The following FAH variants were observed in gnomAD, a reference collection of about 807,000 sequenced individuals.
FAH encodes fumarylacetoacetate hydrolase.
Under a neutral mutation model 55.8 loss-of-function variants are expected in FAH, and 47 were observed. The ratio of observed to expected loss-of-function variants is 0.84; its 90% CI spans 0.67 to 1.07. The LOEUF (loss-of-function observed/expected upper bound fraction) is 1.07, where lower values mean the gene tolerates loss of function less well. FAH is among the 50% of genes least tolerant of loss of function. The pLI is 0.00. For synonymous variants in FAH, 199 were observed against 207.7 expected (o/e 0.96, Z 0.36); for missense variants, 495 against 545.9 (o/e 0.91, Z 0.93).
In FAH at chr15:80,186,138, CA is replaced by C. The variant is rs786204551; in HGVS notation, c.1190del (p.Gln397ArgfsTer65). On this transcript the variant is annotated frameshift_variant, in exon 14 of 14. Coordinates refer to ENST00000561421, the MANE Select transcript of FAH (RefSeq NM_000137.4). LOFTEE classifies it high-confidence loss of function. ...GTCCTCCTCTGTTCCAGGGTACTGC[CA>C]GGGGGATGGTTACCGCATCGGCTTT... ...GDEVIITGYC[Q>X]GDGYRIGFGQ... 2 of 1,613,988 alleles carry C rather than the reference CA, an allele frequency of 1.2e-6. No individual in the cohort carries two copies. The highest frequency in any genetic ancestry group is 1.3e-5 in the African/African-American group (1 of 74,926).
chr15:80,171,640 T>A (rs2142100539), intron 7 of FAH, among the ~76,000 whole-genome samples: 1 of 152,160 alleles, frequency 6.6e-6, no homozygotes, highest in Admixed American at 6.5e-5. Context: ...TTGTTTATTT[T>A]TTGTAGAGGT....
chr15:80,164,486 G>T (rs1044230162), intron 5 of FAH, among the ~76,000 whole-genome samples: 9 of 151,888 alleles, frequency 5.9e-5, no homozygotes, highest in African/African-American at 1.9e-4. Flanking sequence ...CAGGCTCCAG[G>T]GATTAGGATC....
rs757121915 is a variant in FAH, at chr15:80,173,175, A to G, written c.837+31A>G. ...CACATTCTCTGCAGGAAGCTCCCAAACCCAGCCCTGCTGCCTCTGAGGCTG... is the reference window on the plus strand; with the variant it reads ...CACATTCTCTGCAGGAAGCTCCCAAGCCCAGCCCTGCTGCCTCTGAGGCTG... On this transcript the variant is annotated intron_variant, in intron 9 of 13. Transcript: ENST00000561421. 52 of 1,614,096 alleles carry G rather than the reference A, an allele frequency of 3.2e-5. 1 individual carries two copies. The highest frequency in any genetic ancestry group is 3.3e-4 in the Middle Eastern group (2 of 6,058).
intron 8 of FAH, 39 bp downstream of exon 8, chr15:80,172,287 A>T: frequency 1.3e-6 from 2 of 1,502,828 alleles, no homozygotes; most frequent in Non-Finnish European, 1.9e-6. Context: ...GATGACGGGG[A>T]GGAGGCTGGG....
intron 11 of FAH, among the ~76,000 whole-genome samples, chr15:80,179,077 G>A (rs1181587219): frequency 6.6e-6 from 1 of 152,152 alleles, no homozygotes; most frequent in Non-Finnish European, 1.5e-5. Flanking sequence ...CATAGACTCA[G>A]CCTAGGGGTA....
intron 5 of FAH, 100 bp downstream of exon 5, chr15:80,162,436 C>T: frequency 9.6e-7 from 1 of 1,045,186 alleles, no homozygotes. Flanking sequence ...TTAAAGTAAA[C>T]TGGGGAGGAA....
chr15:80,181,277 C>T, intron 13 of FAH, 118 bp downstream of exon 13: 1 of 707,320 alleles, frequency 1.4e-6, no homozygotes, highest in Non-Finnish European at 2.6e-6. Flanking sequence ...CTGACTCTGC[C>T]TCCCAGAGTC....
chr15:80,158,112 T>A lies in FAH; in HGVS notation c.134T>A (p.Ile45Asn). ...GGCGACCAGATCCTGGACCTCAGCA[T>A]CATCAAGCACCTCTTTACTGGTCCT... ...AIGDQILDLSIIKHLFTGPVL... is the reference protein window; with the variant it reads ...AIGDQILDLSNIKHLFTGPVL... The change falls in exon 2 of 14, where the codon ATC becomes AAC. Residue 45 changes from isoleucine (I) to asparagine (N), a missense_variant. Transcript: ENST00000561421. The A allele has an allele frequency of 6.2e-7, 1 of 1,614,184 alleles. No homozygotes were observed. Among genetic ancestry groups the A allele is most frequent in the South Asian group, 1.1e-5 (1 of 91,084 alleles).
At chr15:80,172,300 C>A (rs963274466) in intron 8 of FAH, 52 bp downstream of exon 8, 3 of 1,375,630 alleles carry the variant, frequency 2.2e-6, no homozygotes, top group Non-Finnish European at 3.1e-6. Flanking sequence ...AGGCTGGGGA[C>A]TTGGGGCAAT....
chr15:80,154,536 T>C (rs2041081929), intron 1 of FAH, among the ~76,000 whole-genome samples: 1 of 152,212 alleles, frequency 6.6e-6, no homozygotes. Context: ...CCCTTTGGCC[T>C]TCCAGCTGAA....
chr15:80,155,708 C>T (rs1158641084), intron 1 of FAH, among the ~76,000 whole-genome samples: 2 of 151,826 alleles, frequency 1.3e-5, no homozygotes, highest in Non-Finnish European at 2.9e-5. Context: ...ATTTATTGCA[C>T]ACAAGACAAG....
intron 1 of FAH, among the ~76,000 whole-genome samples, chr15:80,154,042 C>A (rs993254832): frequency 1.3e-5 from 2 of 152,116 alleles, no homozygotes. Flanking sequence ...AGTGGCTGGC[C>A]TTTTGTGGGC....
chr15:80,170,427 C>T (rs1453493531), intron 7 of FAH, among the ~76,000 whole-genome samples: 1 of 152,156 alleles, frequency 6.6e-6, no homozygotes, highest in African/African-American at 2.4e-5. Context: ...CCTGGGCTTC[C>T]CTGTGATTTC....
At position 80,173,092 on chromosome 15, in the gene FAH, G is replaced by C. The variant is rs2041254879; in HGVS notation, c.785G>C (p.Trp262Ser). The part of the protein sequence containing the change: ...GKSFGTTVSP[W>S]VVPMDALMPF... ...AGTTTTGGGACCACTGTCTCTCCGTGGGTGGTGCCCATGGATGCTCTCATG... is the reference window on the plus strand; with the variant it reads ...AGTTTTGGGACCACTGTCTCTCCGTCGGTGGTGCCCATGGATGCTCTCATG... The change falls in exon 9 of 14, where the codon TGG becomes TCG. Residue 262 changes from tryptophan to serine, a missense_variant. Transcript: ENST00000561421. 1 of 1,614,230 alleles carries C rather than the reference G, an allele frequency of 6.2e-7. No individual in the cohort carries two copies. The highest frequency in any genetic ancestry group is 8.5e-7 in the Non-Finnish European group (1 of 1,180,030).
intron 1 of FAH, chr15:80,157,762 G>A (rs1409543538): frequency 2.2e-5 from 10 of 455,362 alleles, no homozygotes; most frequent in Non-Finnish European, 3.7e-5. Flanking sequence ...ACTTTGCAGG[G>A]GTCTTTGCCC....
chr15:80,157,816 C>G (rs2041111678), intron 1 of FAH: 1 of 557,186 alleles, frequency 1.8e-6, no homozygotes, highest in Admixed American at 3.0e-5. Flanking sequence ...TCCCCCAGTC[C>G]AAGGGATATT....
chr15:80,164,145 G>C (rs549543417), intron 5 of FAH, among the ~76,000 whole-genome samples: 80 of 152,282 alleles, frequency 5.3e-4, no homozygotes, highest in African/African-American at 1.8e-3. Flanking sequence ...AGTTCCGGAG[G>C]CCAGAAGTCA....
At chr15:80,159,667 C>T in intron 2 of FAH, 89 bp from the exon 3 acceptor site, 1 of 1,502,512 alleles carries the variant, frequency 6.7e-7, no homozygotes, top group Non-Finnish European at 9.3e-7. Flanking sequence ...GTGGCAAGGG[C>T]TGGCAGGCTG....
In FAH at chr15:80,172,130, G is replaced by A. The variant is rs183606689; in HGVS notation, c.607-19G>A. ...CGGCAGATCAGCTCCAGATTCTAAT[G>A]AACTCTCCCCCATGTAAGGCTTTTT... is the stretch of plus-strand genomic sequence containing the variant. On this transcript the variant is annotated intron_variant, in intron 7 of 13. Coordinates refer to ENST00000561421, the MANE Select transcript of FAH (RefSeq NM_000137.4). The A allele has an allele frequency of 6.3e-7, 1 of 1,586,394 alleles. No homozygotes were observed. Among genetic ancestry groups the A allele is most frequent in the Non-Finnish European group, 8.7e-7 (1 of 1,155,018 alleles).
Sources: allele counts gnomAD v4.1 joint callset (sites outside exome capture counted in the v4.1 genomes callset), GRCh38; gene constraint gnomAD v4.1.1; transcripts MANE v1.5; gene names NCBI Gene and HGNC (gene_info 2026-07-23, HGNC 2026-07-21).